Variants in GRB10 observed in about 807,000 individuals in gnomAD.
GRB10 encodes the protein growth factor receptor-bound protein 10.
A neutral mutation model predicts 80.9 loss-of-function variants in GRB10; 20 were observed. That is an observed-to-expected ratio of 0.25 (90% confidence interval 0.17 to 0.36). The LOEUF is 0.36. Among genes scored for constraint, GRB10 ranks in the 10% least tolerant of loss-of-function variants. The probability of loss-of-function intolerance (pLI) is 1.00; values close to 1 mark genes in which losing one functional copy is unlikely to be tolerated. For missense variants in GRB10, 548 were observed against 747.7 expected (o/e 0.73, Z 3.12); for synonymous variants, 291 against 291.5 (o/e 1.00, Z 0.02).
chr7:50,682,117 T>G (rs954838092), intron 5 of GRB10, among the ~76,000 whole-genome samples: 1 of 152,146 alleles, frequency 6.6e-6, no homozygotes, highest in South Asian at 2.1e-4. Flanking sequence ...GGAACCAAGA[T>G]ATTGGGAAGG....
chr7:50,719,669 T>G (rs968471228), intron 4 of GRB10, among the ~76,000 whole-genome samples: 1 of 152,018 alleles, frequency 6.6e-6, no homozygotes, highest in African/African-American at 2.4e-5. Context: ...TCTGCACATA[T>G]ATCCCAAAAT....
At chr7:50,628,511 T>C (rs887765145) in intron 7 of GRB10, among the ~76,000 whole-genome samples, 2 of 151,498 alleles carry the variant, frequency 1.3e-5, no homozygotes, top group African/African-American at 4.9e-5. Context: ...TACCCTCAGC[T>C]GTCACCCGGT....
chr7:50,780,516 A>G (rs1278776699), intron 2 of GRB10, 111 bp downstream of exon 2: 1 of 152,180 alleles, frequency 6.6e-6, no homozygotes, highest in East Asian at 1.9e-4. Flanking sequence ...CAGTTCTCAG[A>G]CTTTATACTT....
chr7:50,723,642 G>T (rs2068104236), intron 4 of GRB10, among the ~76,000 whole-genome samples: 3 of 152,162 alleles, frequency 2.0e-5, no homozygotes, highest in Admixed American at 6.5e-5. Flanking sequence ...TGGTCAACTG[G>T]GATTTCCTAA....
chr7:50,708,653 G>C (rs1466902939), intron 4 of GRB10, among the ~76,000 whole-genome samples: 1 of 150,100 alleles, frequency 6.7e-6, no homozygotes, highest in African/African-American at 2.5e-5. Context: ...GGAAGGGAAT[G>C]GGGGAGGCCC....
At chr7:50,607,015 A>G (rs1461493659) in intron 13 of GRB10, 1 of 154,366 alleles carries the variant, frequency 6.5e-6, no homozygotes, top group African/African-American at 2.4e-5. Context: ...ATTGCACTAC[A>G]CACAACGAAA....
At chr7:50,744,912 G>GT (rs888375001) in intron 3 of GRB10, among the ~76,000 whole-genome samples, 9 of 152,100 alleles carry the variant, frequency 5.9e-5, no homozygotes, top group East Asian at 5.8e-4. Context: ...ACCTTCATGG[G>GT]TTTTTTTACA....
chr7:50,628,686 G>T (rs1014309537), intron 7 of GRB10, among the ~76,000 whole-genome samples: 1 of 152,130 alleles, frequency 6.6e-6, no homozygotes, highest in African/African-American at 2.4e-5. Context: ...CTCAGGTAGG[G>T]TCACTGCCCC....
At chr7:50,619,738 T>C (rs1251048993) in intron 8 of GRB10, among the ~76,000 whole-genome samples, 1 of 152,198 alleles carries the variant, frequency 6.6e-6, no homozygotes, top group African/African-American at 2.4e-5. Flanking sequence ...ACATCAAACT[T>C]GGTTGCCAGA....
rs377020988 is a variant in GRB10 at position 50,758,488 on chromosome 7, A to G, written c.-216-2432T>C. Among the ~76,000 whole-genome samples, 20 of 152,336 alleles carry G rather than the reference A, an allele frequency of 1.3e-4. No individual in the cohort carries two copies. In the East Asian group the frequency reaches 3.3e-3, roughly 25 times the overall value. On this transcript the variant is annotated intron_variant, in intron 2 of 18. Coordinates refer to ENST00000401949, the MANE Select transcript of GRB10 (RefSeq NM_001350814.2). ...TTGATTTCTGTTTAGTATCTTTGGTATCTTCCAAAAATTCCTGAGCTAATA... is the reference window on the plus strand; with the variant it reads ...TTGATTTCTGTTTAGTATCTTTGGTGTCTTCCAAAAATTCCTGAGCTAATA...
At chr7:50,669,364 G>T (rs1399198833) in intron 7 of GRB10, among the ~76,000 whole-genome samples, 1 of 152,166 alleles carries the variant, frequency 6.6e-6, no homozygotes, top group Non-Finnish European at 1.5e-5. Context: ...CGCACAGCAG[G>T]AGTGGGAGCA....
At chr7:50,776,891 G>A (rs1377606193) in intron 2 of GRB10, among the ~76,000 whole-genome samples, 1 of 151,998 alleles carries the variant, frequency 6.6e-6, no homozygotes, top group Non-Finnish European at 1.5e-5. Flanking sequence ...TCTTCTTCTG[G>A]GCCCTCACCA....
chr7:50,748,976 C>A (rs1341750631), intron 3 of GRB10, among the ~76,000 whole-genome samples: 2 of 152,174 alleles, frequency 1.3e-5, no homozygotes, highest in East Asian at 3.8e-4. Context: ...AATAAAAACT[C>A]TTGTTCTCTC....
chr7:50,596,692 C>T (rs1399587592), intron 17 of GRB10, among the ~76,000 whole-genome samples: 2 of 152,100 alleles, frequency 1.3e-5, no homozygotes, highest in Non-Finnish European at 2.9e-5. Flanking sequence ...GGACATCATG[C>T]CACAACTTAC....
intron 4 of GRB10, chr7:50,726,093 A>G (rs1310286170): frequency 1.3e-5 from 2 of 152,264 alleles, no homozygotes; most frequent in Non-Finnish European, 2.9e-5. Flanking sequence ...AGTACCAGAG[A>G]GAGGATAAAA....
chr7:50,781,634 G>C (rs533791550), intron 1 of GRB10: 2 of 152,292 alleles, frequency 1.3e-5, no homozygotes, highest in African/African-American at 4.8e-5. Context: ...CTGTGTGCCG[G>C]CTCCGCAGAC....
intron 3 of GRB10, among the ~76,000 whole-genome samples, chr7:50,742,477 C>T (rs113954627): frequency 5.3e-5 from 8 of 152,146 alleles, no homozygotes; most frequent in African/African-American, 1.2e-4. Context: ...TGATGGTCCC[C>T]GGACATACAG....
chr7:50,592,331 A>C lies in GRB10; in HGVS notation c.*621T>G. ...AGTGACACCTTTTATTTTAACAAGA[A>C]AGCTTTTCAAGTATACTGGGAAGGG... On this transcript the variant is annotated 3_prime_UTR_variant, in exon 19 of 19. Coordinates refer to ENST00000401949, the MANE Select transcript of GRB10 (RefSeq NM_001350814.2). 6.4e-6 allele frequency: 1 copy of C among 155,872 alleles called. No homozygotes were observed. Among genetic ancestry groups the C allele is most frequent in the Non-Finnish European group, 1.4e-5 (1 of 70,326 alleles). The allele number at this position is 155,872 out of a possible 1,614,324, so 9.7% of individuals were successfully genotyped here. A position where few individuals can be genotyped will look rare whatever the true frequency, so the allele number is the denominator to read the frequency against.
intron 1 of GRB10, chr7:50,793,145 C>G (rs2079008143): frequency 7.0e-6 from 1 of 143,800 alleles, no homozygotes; most frequent in African/African-American, 2.5e-5. Flanking sequence ...GGCGCGGGGA[C>G]CCGCCTGGCC....
Sources: gnomAD v4.1 joint callset for allele counts (sites outside exome capture counted in the v4.1 genomes callset) on GRCh38, gnomAD v4.1.1 for gene constraint, MANE v1.5 for transcripts, NCBI Gene and HGNC (gene_info 2026-07-23, HGNC 2026-07-21) for gene names.